TEX36: variants seen among roughly 807,000 people sequenced by gnomAD.
TEX36 encodes the protein testis expressed 36, also known as testis-expressed protein 36.
TEX36 carries 12 observed loss-of-function variants against 13.6 expected under a neutral mutation model. The ratio of observed to expected loss-of-function variants is 0.88; its 90% CI spans 0.56 to 1.43. The LOEUF is 1.43. Among genes scored for constraint, TEX36 ranks in the 40% most tolerant of loss-of-function variants. The pLI is 0.00. For missense variants in TEX36, 224 were observed against 228.3 expected, an observed-to-expected ratio of 0.98 and a Z score of 0.12; for synonymous variants, 93 against 83.0, an observed-to-expected ratio of 1.12 and a Z score of -0.65.
downstream of TEX36, among the ~76,000 whole-genome samples, chr10:125,651,016 A>G (rs1308220848): frequency 6.6e-6 from 1 of 152,190 alleles, no homozygotes; most frequent in Non-Finnish European, 1.5e-5. Context: ...TAGCTTACCA[A>G]CCAAAAAAAG....
intron 3 of TEX36, among the ~76,000 whole-genome samples, chr10:125,592,739 A>G (rs1012912768): frequency 1.3e-5 from 2 of 152,152 alleles, no homozygotes; most frequent in African/African-American, 4.8e-5. Flanking sequence ...CCACCTGGCT[A>G]TAAGTCAGGA....
intron 3 of TEX36, among the ~76,000 whole-genome samples, chr10:125,588,621 G>A (rs1359828902): frequency 6.6e-6 from 1 of 151,814 alleles, no homozygotes; most frequent in Non-Finnish European, 1.5e-5. Flanking sequence ...TTGTTTGTTT[G>A]TTTGTTTGTT....
At chr10:125,603,798 A>G (rs1002822924) in intron 3 of TEX36, among the ~76,000 whole-genome samples, 1 of 151,922 alleles carries the variant, frequency 6.6e-6, no homozygotes, top group African/African-American at 2.4e-5. Context: ...GCAGTCTGAG[A>G]TGATACACCC....
chr10:125,615,393 C>A (rs1266007296), intron 3 of TEX36, among the ~76,000 whole-genome samples: 1 of 152,088 alleles, frequency 6.6e-6, no homozygotes, highest in Non-Finnish European at 1.5e-5. Flanking sequence ...AGTTTTTGCC[C>A]ATTCAGTATG....
At chr10:125,667,786 GT>G in intron 1 of TEX36, 1 of 1,005,238 alleles carries the variant, frequency 9.9e-7, no homozygotes, top group East Asian at 2.4e-5. Context: ...AGAAGCGCCA[GT>G]TCTCTTTGGT....
At chr10:125,667,312 G>T in intron 1 of TEX36, 1 of 638,538 alleles carries the variant, frequency 1.6e-6, no homozygotes, top group Non-Finnish European at 3.0e-6. Context: ...GAGCCTTGTA[G>T]ACAGCAGTCA....
chr10:125,656,289 C>T (rs1046534128), intron 3 of TEX36, 93 bp from the exon 4 acceptor site: 4 of 1,184,120 alleles, frequency 3.4e-6, no homozygotes, highest in Non-Finnish European at 4.3e-6. Flanking sequence ...CAGAGTCTTG[C>T]TCTGTCACCC....
intron 3 of TEX36, chr10:125,576,989 C>CTAAAT: frequency 7.4e-7 from 1 of 1,357,058 alleles, no homozygotes; most frequent in Middle Eastern, 2.3e-4. Context: ...TTTAAAAACA[C>CTAAAT]CCCAGAGAAG....
At position 125,656,003 on chromosome 10, in the gene TEX36, G is replaced by T. The variant is rs1299353506; in HGVS notation, c.458C>A (p.Ala153Asp). Reference protein sequence around the residue: ...FPRCYKEIWNAFTFLPERSYT... With the variant: ...FPRCYKEIWNDFTFLPERSYT... The stretch of plus-strand genomic sequence containing the variant: ...GCTTCTCTCAGGAAGAAATGTAAAA[G>T]CGTTCCATATCTCTTTATAGCATCG... The change falls in exon 4 of 4, where the codon GCT becomes GAT. Residue 153 changes from alanine to aspartate, a missense_variant. By Grantham distance (126) the Ala-to-Asp change is moderately radical (BLOSUM62 -2). Transcript: ENST00000368821. 11 of 1,551,754 alleles carry T rather than the reference G, an allele frequency of 7.1e-6. No individual in the cohort carries two copies. Among genetic ancestry groups the T allele is most frequent in the Non-Finnish European group, 8.7e-6 (10 of 1,146,998 alleles).
downstream of TEX36, among the ~76,000 whole-genome samples, chr10:125,621,100 A>C (rs1846425242): frequency 1.3e-5 from 2 of 152,228 alleles, no homozygotes; most frequent in Admixed American, 6.5e-5. Flanking sequence ...ATACAGATAC[A>C]GTATCCCCAA....
intron 1 of TEX36, among the ~76,000 whole-genome samples, chr10:125,668,463 A>G (rs530554907): frequency 6.6e-6 from 1 of 152,132 alleles, no homozygotes. Context: ...ATAGTTGTTC[A>G]CAGTAGTCTC....
downstream of TEX36, among the ~76,000 whole-genome samples, chr10:125,620,304 A>G (rs297255): frequency 0.45 from 69,072 of 152,142 alleles, 19,278 homozygotes; most frequent in African/African-American, 0.8. Flanking sequence ...TCATTTTGTC[A>G]AGAGAAATGG....
chr10:125,667,201 G>A, intron 1 of TEX36: 2 of 645,992 alleles, frequency 3.1e-6, no homozygotes, highest in Non-Finnish European at 2.9e-6. Flanking sequence ...AGTCACCATG[G>A]CAATCTCCTC....
At position 125,600,177 on chromosome 10, in the gene TEX36, G is replaced by A. The variant is rs776162859; in HGVS notation, c.265-23303C>T. On this transcript the variant is annotated intron_variant, in intron 3 of 3. Coordinates refer to the TEX36 transcript ENST00000532135. ...CTGTGTCATCTTCTTAATAAGATGA[G>A]CTGGGCCAATCCAATTACTTTCTCA... Among the ~76,000 whole-genome samples, 199 of 152,336 alleles carry A rather than the reference G, an allele frequency of 1.3e-3. 3 individuals carry two copies. Among genetic ancestry groups the A allele is most frequent in the Non-Finnish European group, 4.6e-4 (31 of 68,028 alleles).
intron 3 of TEX36, among the ~76,000 whole-genome samples, chr10:125,610,745 C>T (rs1726140057): frequency 6.6e-6 from 1 of 152,080 alleles, no homozygotes; most frequent in South Asian, 2.1e-4. Flanking sequence ...TCCTTCTCTT[C>T]CTGAGATCAC....
At chr10:125,631,365 C>G (rs944673902) in intron 3 of TEX36, among the ~76,000 whole-genome samples, 3 of 152,200 alleles carry the variant, frequency 2.0e-5, no homozygotes, top group African/African-American at 7.2e-5. Flanking sequence ...ATTTCAGAAG[C>G]CCTCTGTGTA....
chr10:125,639,705 A>G (rs1846661942), intron 3 of TEX36, among the ~76,000 whole-genome samples: 2 of 152,236 alleles, frequency 1.3e-5, no homozygotes. Flanking sequence ...GCTTTAACCC[A>G]GACTATCCTC....
intron 3 of TEX36, among the ~76,000 whole-genome samples, chr10:125,623,133 G>A (rs1323177999): frequency 1.3e-5 from 2 of 152,176 alleles, no homozygotes; most frequent in East Asian, 3.9e-4. Context: ...ACAGCCTTCT[G>A]GAGAACTTTG....
In TEX36 at chr10:125,586,635, C is replaced by CAAAAAAAAAAAAAAAAAA. The variant is rs35078105; in HGVS notation, c.265-9779_265-9762dup. ...TGAAACTCCGTCTCTACTAAAAATC[C>CAAAAAAAAAAAAAAAAAA]AAAAAAAAAAAAAAAAAAAAAATTA... On this transcript the variant is annotated intron_variant, in intron 3 of 3. Transcript: ENST00000532135. 1.8e-5 allele frequency among the ~76,000 whole-genome samples: 2 copies of CAAAAAAAAAAAAAAAAAA among 113,876 alleles called. 1 individual carries two copies. The allele number at this position is 113,876 out of a possible 152,430, so 74.7% of individuals were successfully genotyped here. A position where few individuals can be genotyped will look rare whatever the true frequency, so the allele number is the denominator to read the frequency against.
Sources: allele counts gnomAD v4.1 joint callset (sites outside exome capture counted in the v4.1 genomes callset), GRCh38; gene constraint gnomAD v4.1.1; transcripts MANE v1.5; gene names NCBI Gene and HGNC (gene_info 2026-07-23, HGNC 2026-07-21).